THRB: variants seen among roughly 807,000 people sequenced by gnomAD.
THRB encodes nuclear receptor subfamily 1 group A member 2.
THRB carries 12 observed loss-of-function variants against 47.8 expected under a neutral mutation model. The observed-to-expected ratio is 0.25, with a 90% CI of 0.16 to 0.41. The LOEUF is 0.41. Ranked by LOEUF, THRB falls within the 10% of genes least tolerant of loss-of-function variation. The pLI is 1.00. For synonymous variants in THRB, 218 were observed against 212.2 expected, an observed-to-expected ratio of 1.03 and a Z score of -0.24; for missense variants, 348 against 589.2, an observed-to-expected ratio of 0.59 and a Z score of 4.24.
At chr3:24,286,197 T>C (rs549231551) in intron 3 of THRB, among the ~76,000 whole-genome samples, 2 of 152,330 alleles carry the variant, frequency 1.3e-5, no homozygotes, top group Non-Finnish European at 2.9e-5. Flanking sequence ...GTTTGGTGTA[T>C]AAGCAACCTA....
At chr3:24,357,368 AAAAAAAC>A (rs1560010905) in intron 1 of THRB, among the ~76,000 whole-genome samples, 2 of 145,578 alleles carry the variant, frequency 1.4e-5, no homozygotes, top group African/African-American at 5.1e-5. Flanking sequence ...AAAAAAAAAA[AAAAAAAC>A]AAAAAACAAA....
chr3:24,151,654 C>A (rs961503491), intron 6 of THRB, among the ~76,000 whole-genome samples: 14 of 152,126 alleles, frequency 9.2e-5, no homozygotes, highest in Non-Finnish European at 1.3e-4. Context: ...ATTTTCAAGG[C>A]TAGATTGTTG....
At chr3:24,333,925 C>T (rs1052457459) in intron 2 of THRB, among the ~76,000 whole-genome samples, 2 of 152,050 alleles carry the variant, frequency 1.3e-5, no homozygotes, top group African/African-American at 4.8e-5. Flanking sequence ...TTCCTAACGC[C>T]GTCATCATTT....
chr3:24,430,521 T>A (rs982219954), intron 1 of THRB, among the ~76,000 whole-genome samples: 3 of 152,040 alleles, frequency 2.0e-5, no homozygotes, highest in Admixed American at 2.0e-4. Flanking sequence ...TTTTAAAGAA[T>A]ATAAATTTAT....
At chr3:24,374,271 G>T (rs1212476679) in intron 1 of THRB, among the ~76,000 whole-genome samples, 2 of 151,968 alleles carry the variant, frequency 1.3e-5, no homozygotes, top group African/African-American at 4.8e-5. Context: ...TATTGTCAGA[G>T]ACAACATTAT....
rs567091175 is a variant in THRB at position 24,189,895 on chromosome 3, CTTAT to C, written c.283+175_283+178del. On this transcript the variant is annotated intron_variant, in intron 5 of 10. Coordinates refer to ENST00000646209, the MANE Select transcript of THRB (RefSeq NM_001354712.2). ...ACAAGCTGCCTTTCTTTGGATTCCA[CTTAT>C]TTATTTATGTTTAAAAGAATATTTG... 7.2e-4 allele frequency: 461 copies of C among 640,206 alleles called. 2 individuals are homozygous for C. In the East Asian group the frequency reaches 0.012, roughly 17 times the overall value. 39.7% of individuals were successfully genotyped at this position (640,206 alleles called of 1,614,324 possible). A position where few individuals can be genotyped will look rare whatever the true frequency, so the allele number is the denominator to read the frequency against.
At chr3:24,240,880 G>A (rs1227496860) in intron 3 of THRB, among the ~76,000 whole-genome samples, 1 of 151,550 alleles carries the variant, frequency 6.6e-6, no homozygotes, top group Non-Finnish European at 1.5e-5. Flanking sequence ...GAGGAACTAA[G>A]GTGCCATCCT....
At chr3:24,186,197 C>T (rs1418765464) in intron 5 of THRB, among the ~76,000 whole-genome samples, 1 of 152,136 alleles carries the variant, frequency 6.6e-6, no homozygotes, top group Non-Finnish European at 1.5e-5. Flanking sequence ...ACATAGAAGG[C>T]TGGGCCCCTC....
intron 1 of THRB, among the ~76,000 whole-genome samples, chr3:24,421,184 G>T (rs1192924757): frequency 6.6e-6 from 1 of 151,810 alleles, no homozygotes; most frequent in African/African-American, 2.4e-5. Context: ...ACAATAGACA[G>T]TGGGCCTATT....
At chr3:24,208,687 C>A (rs1575894154) in intron 4 of THRB, among the ~76,000 whole-genome samples, 1 of 152,266 alleles carries the variant, frequency 6.6e-6, no homozygotes, top group East Asian at 1.9e-4. Flanking sequence ...ACACCTTATA[C>A]AAAAATTAAT....
chr3:24,203,016 G>A (rs920270842), intron 4 of THRB, among the ~76,000 whole-genome samples: 5 of 152,146 alleles, frequency 3.3e-5, no homozygotes, highest in East Asian at 3.8e-4. Context: ...GGGCCATTTC[G>A]GCAGGACTAT....
At chr3:24,180,969 T>C (rs983495715) in intron 5 of THRB, among the ~76,000 whole-genome samples, 4 of 151,990 alleles carry the variant, frequency 2.6e-5, no homozygotes, top group African/African-American at 9.7e-5. Context: ...GGGGAATAAG[T>C]TTTTTTTATG....
chr3:24,188,122 C>T (rs1014980897), intron 5 of THRB, among the ~76,000 whole-genome samples: 3 of 152,208 alleles, frequency 2.0e-5, no homozygotes, highest in Non-Finnish European at 2.9e-5. Flanking sequence ...TCAACTCTAA[C>T]GTCCCTGAAG....
intron 1 of THRB, among the ~76,000 whole-genome samples, chr3:24,387,683 C>A (rs2066236876): frequency 1.3e-5 from 2 of 152,088 alleles, no homozygotes; most frequent in Non-Finnish European, 2.9e-5. Flanking sequence ...TCATTACATT[C>A]CATTACAACT....
At chr3:24,160,923 A>G (rs185186336) in intron 5 of THRB, among the ~76,000 whole-genome samples, 2 of 152,322 alleles carry the variant, frequency 1.3e-5, no homozygotes, top group African/African-American at 2.4e-5. Context: ...TTGGACTCCT[A>G]CTGTTAGCTT....
chr3:24,192,229 T>C (rs1412876312), intron 4 of THRB, among the ~76,000 whole-genome samples: 5 of 152,198 alleles, frequency 3.3e-5, no homozygotes, highest in Admixed American at 3.3e-4. Flanking sequence ...CATATCCATG[T>C]GTAACTCATT....
intron 3 of THRB, among the ~76,000 whole-genome samples, chr3:24,281,157 G>A (rs2054551030): frequency 6.6e-6 from 1 of 152,096 alleles, no homozygotes; most frequent in African/African-American, 2.4e-5. Context: ...AAGCTGAAAT[G>A]AAGGAAAAAA....
intron 2 of THRB, among the ~76,000 whole-genome samples, chr3:24,309,704 A>G (rs2057615223): frequency 6.6e-6 from 1 of 152,242 alleles, no homozygotes; most frequent in Admixed American, 6.5e-5. Context: ...TTTTGATAAA[A>G]GTATTTTTGG....
At chr3:24,410,419 A>C (rs1223979142) in intron 1 of THRB, among the ~76,000 whole-genome samples, 1 of 151,914 alleles carries the variant, frequency 6.6e-6, no homozygotes, top group African/African-American at 2.4e-5. Context: ...TTGGAATAAA[A>C]AATAGATGCA....
Sources: allele counts gnomAD v4.1 joint callset (sites outside exome capture counted in the v4.1 genomes callset), GRCh38; gene constraint gnomAD v4.1.1; transcripts MANE v1.5; gene names NCBI Gene and HGNC (gene_info 2026-07-23, HGNC 2026-07-21).